The following CHM variants were observed in gnomAD, a reference collection of about 807,000 sequenced individuals.
CHM encodes rab proteins geranylgeranyltransferase component A 1.
Under a neutral mutation model 49.0 loss-of-function variants are expected in CHM, and 10 were observed. The ratio of observed to expected loss-of-function variants is 0.20; its 90% CI spans 0.13 to 0.35. The LOEUF is 0.35. Among genes scored for constraint, CHM ranks in the 10% least tolerant of loss-of-function variants. The pLI is 1.00. For missense variants in CHM, 455 were observed against 478.4 expected (o/e 0.95, Z 0.46); for synonymous variants, 184 against 167.5 (o/e 1.10, Z -0.76).
chrX:85,922,222 A>G (rs1417711940), intron 8 of CHM, among the ~76,000 whole-genome samples: 1 of 112,632 alleles, frequency 8.9e-6, no homozygotes, highest in Non-Finnish European at 1.9e-5. Flanking sequence ...TGATATAAAT[A>G]TGCAATATAA....
At chrX:85,958,627 G>A (rs964773830) in intron 6 of CHM, among the ~76,000 whole-genome samples, 1 of 111,549 alleles carries the variant, frequency 9.0e-6, no homozygotes, top group South Asian at 3.8e-4. Context: ...TAGTAACTCT[G>A]GTGTGCTTTT....
At chrX:85,906,954 A>G (rs1926629740) in intron 9 of CHM, among the ~76,000 whole-genome samples, 1 of 111,061 alleles carries the variant, frequency 9.0e-6, no homozygotes, top group African/African-American at 3.3e-5. Flanking sequence ...ACAACATGGC[A>G]AAACCCGTCT....
chrX:85,898,733 T>A (rs1926066920), intron 11 of CHM, among the ~76,000 whole-genome samples: 1 of 112,184 alleles, frequency 8.9e-6, no homozygotes, highest in South Asian at 3.7e-4. Flanking sequence ...TAATAGCTGC[T>A]GTACTATTTC....
chrX:85,996,094 T>G (rs1932424619), intron 2 of CHM, among the ~76,000 whole-genome samples: 1 of 112,185 alleles, frequency 8.9e-6, no homozygotes, highest in African/African-American at 3.2e-5. Context: ...TATATATGAT[T>G]ATTTTGGTAG....
chrX:86,015,259 T>C (rs1469463048), intron 2 of CHM, among the ~76,000 whole-genome samples: 1 of 111,073 alleles, frequency 9.0e-6, no homozygotes. Context: ...TCTGATGGTT[T>C]TATCAGGGGT....
chrX:85,899,920 A>G (rs1346871120), intron 11 of CHM, among the ~76,000 whole-genome samples: 1 of 110,895 alleles, frequency 9.0e-6, no homozygotes, highest in Non-Finnish European at 1.9e-5. Flanking sequence ...ACAAGTGTTG[A>G]TGAGGATACA....
chrX:85,950,853 A>T (rs1400411057), intron 8 of CHM, among the ~76,000 whole-genome samples: 1 of 111,732 alleles, frequency 8.9e-6, no homozygotes, highest in Non-Finnish European at 1.9e-5. Flanking sequence ...ACAAAAGACA[A>T]ACTATATTAA....
At chrX:85,965,680 TTAAAAA>T (rs1460343817) in intron 4 of CHM, among the ~76,000 whole-genome samples, 1 of 111,291 alleles carries the variant, frequency 9.0e-6, no homozygotes, top group African/African-American at 3.3e-5. Flanking sequence ...AAGTGCCTTA[TTAAAAA>T]TAACACAATG....
chrX:85,903,490 G>A, intron 9 of CHM: 1 of 353,580 alleles, frequency 2.8e-6, no homozygotes, highest in Non-Finnish European at 5.6e-6. Flanking sequence ...ATATTAGAAA[G>A]AACTAATGGA....
At chrX:85,981,301 T>C (rs1276747995) in intron 3 of CHM, among the ~76,000 whole-genome samples, 2 of 100,380 alleles carry the variant, frequency 2.0e-5, no homozygotes, top group African/African-American at 7.4e-5. Flanking sequence ...AGGTGCAGTC[T>C]CGGCTCACTG....
chrX:85,879,113 C>A, intron 12 of CHM, 50 bp from the exon 13 acceptor site: 1 of 892,942 alleles, frequency 1.1e-6, no homozygotes, highest in Non-Finnish European at 1.6e-6. Flanking sequence ...ATCTATTTTA[C>A]TTATACTTAA....
At chrX:86,023,081 C>A (rs1352456193) in intron 2 of CHM, among the ~76,000 whole-genome samples, 1 of 111,342 alleles carries the variant, frequency 9.0e-6, no homozygotes, top group African/African-American at 3.3e-5. Context: ...ATAAACTAGA[C>A]CATTGCAAAC....
In CHM at chrX:86,026,102, C is replaced by CTTTTTTTTTTTTTTTTTTTTTTTTTTTT. The variant is rs1167691945; in HGVS notation, c.116+1361_116+1388dup. ...CTGGGCTTTCAAGGTAGCAGATTTTCTTTTTTTTTTTTTTTTTTTTTTTTT... is the reference window on the plus strand; with the variant it reads ...CTGGGCTTTCAAGGTAGCAGATTTTCTTTTTTTTTTTTTTTTTTTTTTTTTTTTTTTTTTTTTTTTTTTTTTTTTTTTT... On this transcript the variant is annotated intron_variant, in intron 2 of 14. Transcript: ENST00000357749. Among the ~76,000 whole-genome samples the CTTTTTTTTTTTTTTTTTTTTTTTTTTTT allele has an allele frequency of 2.2e-4, 6 of 26,761 alleles. 2 individuals carry two copies. Among genetic ancestry groups the CTTTTTTTTTTTTTTTTTTTTTTTTTTTT allele is most frequent in the Admixed American group, 9.4e-4 (2 of 2,117 alleles). 23.2% of individuals were successfully genotyped at this position (26,761 alleles called of 115,157 possible).
At chrX:85,940,377 C>T (rs1929036778) in intron 8 of CHM, among the ~76,000 whole-genome samples, 1 of 111,807 alleles carries the variant, frequency 8.9e-6, no homozygotes, top group South Asian at 3.7e-4. Flanking sequence ...GAAAGAAAAT[C>T]ATATATTTAT....
chrX:85,931,253 C>T (rs1928418449), intron 8 of CHM, among the ~76,000 whole-genome samples: 2 of 110,765 alleles, frequency 1.8e-5, no homozygotes, highest in South Asian at 3.9e-4. Flanking sequence ...GGGGAAAAAA[C>T]GGTCAACTTG....
chrX:85,978,970 T>C (rs1185286459), intron 3 of CHM, 79 bp from the exon 4 acceptor site: 2 of 1,024,978 alleles, frequency 2.0e-6, no homozygotes, highest in East Asian at 7.1e-5. Context: ...ATTTACCTCT[T>C]GTCTAAATTC....
intron 8 of CHM, among the ~76,000 whole-genome samples, chrX:85,923,285 T>C (rs1927900680): frequency 8.9e-6 from 1 of 112,537 alleles, no homozygotes; most frequent in Non-Finnish European, 1.9e-5. Context: ...ATCTGCCTGG[T>C]GCATGGTAAA....
chrX:85,923,374 G>A (rs1204488524), intron 8 of CHM, among the ~76,000 whole-genome samples: 1 of 112,158 alleles, frequency 8.9e-6, no homozygotes, highest in Non-Finnish European at 1.9e-5. Context: ...TACCACCAAT[G>A]TGGGGTTTGT....
intron 1 of CHM, among the ~76,000 whole-genome samples, chrX:86,029,717 G>C (rs1433263368): frequency 9.0e-6 from 1 of 111,151 alleles, no homozygotes. Flanking sequence ...AAGATTCAAG[G>C]ACAATACAGC....
Sources: gnomAD v4.1 joint callset for allele counts (sites outside exome capture counted in the v4.1 genomes callset) on GRCh38, gnomAD v4.1.1 for gene constraint, MANE v1.5 for transcripts, NCBI Gene and HGNC (gene_info 2026-07-23, HGNC 2026-07-21) for gene names.